Variants in AP2B1 observed in about 807,000 individuals in gnomAD.
AP2B1 encodes the protein adaptor related protein complex 2 subunit beta 1.
In AP2B1, 23 loss-of-function variants were observed where a neutral mutation model predicts 102.0. That is an observed-to-expected ratio of 0.23 (90% CI 0.16 to 0.32). The LOEUF (loss-of-function observed/expected upper bound fraction) is 0.32. Among genes scored for constraint, AP2B1 ranks in the 10% least tolerant of loss-of-function variants. The pLI, the probability that AP2B1 is intolerant of heterozygous loss-of-function variation, is 1.00. For synonymous variants in AP2B1, 381 were observed against 421.2 expected, an observed-to-expected ratio of 0.90 and a Z score of 1.17; for missense variants, 541 against 1,157.4, an observed-to-expected ratio of 0.47 and a Z score of 7.73.
chr17:35,612,260 T>C (rs903691842), intron 5 of AP2B1, among the ~76,000 whole-genome samples: 2 of 152,228 alleles, frequency 1.3e-5, no homozygotes, highest in African/African-American at 2.4e-5. Flanking sequence ...GTGCGAACTC[T>C]GTACCTCACA....
At chr17:35,721,493 C>T (rs1340315808) in intron 21 of AP2B1, among the ~76,000 whole-genome samples, 1 of 152,160 alleles carries the variant, frequency 6.6e-6, no homozygotes, top group Non-Finnish European at 1.5e-5. Flanking sequence ...ATGTAATAAA[C>T]TTGACACTTT....
chr17:35,605,795 G>A lies in AP2B1; in HGVS notation c.234G>A (p.Lys78=). The change falls in exon 4 of 22, where the codon AAG becomes AAA. Residue 78 remains lysine (K), a synonymous_variant. Transcript: ENST00000610402. ...ATCTCTACTTGATGAACTACGCCAA[G>A]AGTCAGCCAGACATGGCCATCATGG... The part of the protein sequence containing the change: ...LVYLYLMNYA[K]SQPDMAIMAV... The A allele has an allele frequency of 6.2e-7, 1 of 1,614,102 alleles. No individual in the cohort carries two copies. The highest frequency in any genetic ancestry group is 8.5e-7 in the Non-Finnish European group (1 of 1,179,980).
chr17:35,651,142 G>A (rs2075076131), intron 13 of AP2B1: 1 of 195,586 alleles, frequency 5.1e-6, no homozygotes, highest in Non-Finnish European at 1.1e-5. Context: ...CCCCATAGTT[G>A]AAAACTTGGA....
chr17:35,666,283 T>C (rs1312547211), intron 14 of AP2B1, among the ~76,000 whole-genome samples: 3 of 152,106 alleles, frequency 2.0e-5, no homozygotes, highest in African/African-American at 7.2e-5. Flanking sequence ...TGACACATTA[T>C]TGTGTAGTTT....
chr17:35,636,507 T>C, intron 10 of AP2B1, 51 bp downstream of exon 10: 1 of 1,417,680 alleles, frequency 7.1e-7, no homozygotes, highest in South Asian at 1.2e-5. Context: ...AGGAAATGTT[T>C]AAGGCACTTT....
chr17:35,680,198 G>A (rs1378364132), intron 17 of AP2B1, among the ~76,000 whole-genome samples: 3 of 151,818 alleles, frequency 2.0e-5, no homozygotes, highest in South Asian at 2.1e-4. Flanking sequence ...GTGAGCCACC[G>A]CACCAGCCTG....
chr17:35,645,022 ACT>A (rs1466967844), intron 12 of AP2B1, among the ~76,000 whole-genome samples: 2 of 151,022 alleles, frequency 1.3e-5, no homozygotes, highest in Non-Finnish European at 3.0e-5. Flanking sequence ...ATACAGCAAG[ACT>A]CTGTCTCGGA....
At position 35,682,751 on chromosome 17, in the gene AP2B1, A is replaced by G; in HGVS notation, c.2381A>G (p.Gln794Arg). ...ATCCATACACCACTGATGCCAAACC[A>G]GAGCATTGATGTCTCCCTGCCTCTC... ...LAIHTPLMPN[Q>R]SIDVSLPLNT... The change falls in exon 18 of 22, where the codon CAG (glutamine) becomes CGG (arginine). Residue 794 changes from glutamine (Q) to arginine (R), a missense_variant. Physicochemically the swap from Gln to Arg is conservative, Grantham distance 43. Coordinates refer to ENST00000610402, the MANE Select transcript of AP2B1 (RefSeq NM_001030006.2). The G allele has an allele frequency of 6.2e-7, 1 of 1,613,172 alleles. No homozygotes were observed. Among genetic ancestry groups the G allele is most frequent in the Non-Finnish European group, 8.5e-7 (1 of 1,179,306 alleles).
chr17:35,682,125 C>T (rs1480281754), intron 17 of AP2B1, among the ~76,000 whole-genome samples: 1 of 151,928 alleles, frequency 6.6e-6, no homozygotes, highest in Non-Finnish European at 1.5e-5. Context: ...CATGATGGTG[C>T]ATGCCTCTAG....
chr17:35,719,147 C>T (rs115811266), intron 21 of AP2B1, among the ~76,000 whole-genome samples: 150 of 152,264 alleles, frequency 9.9e-4, no homozygotes, highest in African/African-American at 3.5e-3. Context: ...TTAATAATAA[C>T]ATCTTACACA....
At chr17:35,680,221 A>G (rs1265412684) in intron 17 of AP2B1, among the ~76,000 whole-genome samples, 1 of 152,084 alleles carries the variant, frequency 6.6e-6, no homozygotes, top group Non-Finnish European at 1.5e-5. Context: ...TAAACTCTTT[A>G]GTTAATTTTA....
chr17:35,598,596 A>G (rs2073371513), intron 3 of AP2B1, among the ~76,000 whole-genome samples: 1 of 152,066 alleles, frequency 6.6e-6, no homozygotes, highest in Non-Finnish European at 1.5e-5. Flanking sequence ...CTAGCATAAC[A>G]CCTCCTGAGA....
At chr17:35,642,831 A>T (rs2074820330) in intron 12 of AP2B1, among the ~76,000 whole-genome samples, 2 of 152,214 alleles carry the variant, frequency 1.3e-5, no homozygotes, top group African/African-American at 4.8e-5. Context: ...AACTTAAAAA[A>T]ATGTATTTGT....
At chr17:35,708,665 T>TA (rs2143007304) in intron 18 of AP2B1, among the ~76,000 whole-genome samples, 1 of 152,170 alleles carries the variant, frequency 6.6e-6, no homozygotes, top group East Asian at 1.9e-4. Context: ...AACTGATATT[T>TA]AAAAAAATAA....
At chr17:35,674,726 A>G (rs978624724) in intron 17 of AP2B1, among the ~76,000 whole-genome samples, 2 of 152,150 alleles carry the variant, frequency 1.3e-5, no homozygotes, top group African/African-American at 4.8e-5. Context: ...CAAACCTCAC[A>G]CATTGGCAGA....
intron 14 of AP2B1, among the ~76,000 whole-genome samples, chr17:35,670,457 G>A (rs902351274): frequency 3.3e-5 from 5 of 151,426 alleles, no homozygotes; most frequent in African/African-American, 7.3e-5. Context: ...CTTTCCGTCC[G>A]CCCCCCACTA....
rs587721572 is a variant in AP2B1 at position 35,720,474 on chromosome 17, A to T, written c.2781+3125A>T. 5.4e-5 allele frequency among the ~76,000 whole-genome samples: 8 copies of T among 148,718 alleles called. No individual in the cohort carries two copies. The East Asian group carries it at 9.8e-4, about 18-fold the overall frequency. On this transcript the variant is annotated intron_variant, in intron 21 of 21. Transcript: ENST00000610402. ...CATGGAATAAATGCAAATAAAAGTT[A>T]AAAAAAATAGATTCTGTCCTCGTGG...
chr17:35,657,846 G>A lies in AP2B1; in HGVS notation c.1989+55G>A, dbSNP rs1374811942. The A allele has an allele frequency of 8.5e-6, 13 of 1,521,526 alleles. No individual in the cohort carries two copies. In the East Asian group the frequency reaches 2.0e-4, roughly 24 times the overall value. 94.3% of individuals were successfully genotyped at this position (1,521,526 alleles called of 1,614,324 possible). The stretch of plus-strand genomic sequence containing the variant: ...GTTATTTTTAGTTCTTGATATGCTA[G>A]AGAGTTTTAAATTATTCAGCTTTTT... On this transcript the variant is annotated intron_variant, in intron 14 of 21. Coordinates refer to ENST00000610402, the MANE Select transcript of AP2B1 (RefSeq NM_001030006.2).
chr17:35,612,880 GCACA>G (rs55739970), intron 5 of AP2B1, among the ~76,000 whole-genome samples: 44 of 143,970 alleles, frequency 3.1e-4, no homozygotes, highest in South Asian at 4.5e-4. Context: ...GTGTATGTGC[GCACA>G]CACACACACA....
Sources: allele counts gnomAD v4.1 joint callset (sites outside exome capture counted in the v4.1 genomes callset), GRCh38; gene constraint gnomAD v4.1.1; transcripts MANE v1.5; gene names NCBI Gene and HGNC (gene_info 2026-07-23, HGNC 2026-07-21).